CRYAB: variants seen among roughly 807,000 people sequenced by gnomAD.
CRYAB encodes alpha-crystallin B chain.
A neutral mutation model predicts 12.7 loss-of-function variants in CRYAB; 9 were observed. That is an observed-to-expected ratio of 0.71 (90% confidence interval 0.43 to 1.24). The LOEUF (loss-of-function observed/expected upper bound fraction) is 1.24, where lower values mean the gene tolerates loss of function less well. Among genes scored for constraint, CRYAB ranks in the 50% most tolerant of loss-of-function variants. CRYAB has a pLI of 0.00. For missense variants in CRYAB, 183 were observed against 226.6 expected, an observed-to-expected ratio of 0.81 and a Z score of 1.24; for synonymous variants, 93 against 86.8, an observed-to-expected ratio of 1.07 and a Z score of -0.40.
upstream of CRYAB, chr11:111,913,365 T>C (rs1965532386): frequency 1.3e-5 from 15 of 1,160,900 alleles, no homozygotes; most frequent in Non-Finnish European, 1.7e-5. Context: ...ATCCCTCCTC[T>C]CCAGATTTCC....
At chr11:111,918,946 G>A (rs1965640905) in intron 1 of CRYAB, 1 of 1,614,134 alleles carries the variant, frequency 6.2e-7, no homozygotes, top group East Asian at 2.2e-5. Flanking sequence ...CATAAAAACA[G>A]CTGGGCTCCC....
At chr11:111,912,688 C>T (rs1042490354), upstream of CRYAB, 22 of 533,982 alleles carry the variant, frequency 4.1e-5, 1 homozygote, top group Non-Finnish European at 5.0e-5. Flanking sequence ...CCCTCCCCCC[C>T]CAAGAGGCTC....
chr11:111,913,061 C>T (rs1965521410), upstream of CRYAB: 8 of 661,036 alleles, frequency 1.2e-5, no homozygotes, highest in Middle Eastern at 2.4e-4. Context: ...CCCCAGACTA[C>T]CCCTCATCCC....
chr11:111,916,782 T>C (rs782782622), upstream of CRYAB, among the ~76,000 whole-genome samples: 7 of 152,198 alleles, frequency 4.6e-5, no homozygotes, highest in Non-Finnish European at 1.0e-4. Context: ...ATTCCTCTAT[T>C]GATTTCTTTG....
rs782433689 is a variant in CRYAB, at chr11:111,918,939, A to G, written c.-199+4764T>C. 3 of 1,613,916 alleles carry G rather than the reference A, an allele frequency of 1.9e-6. No homozygotes were observed. The African/African-American group carries it at 4.0e-5, about 22-fold the overall frequency. ...GAAATGCACAAGCCTCTTGATGCAT[A>G]AAAACAGCTGGGCTCCCTTGGAGAC... is the stretch of plus-strand genomic sequence containing the variant. On this transcript the variant is annotated intron_variant, in intron 1 of 3. Coordinates refer to the CRYAB transcript ENST00000527950.
chr11:111,909,416 A>G (rs1411461123), intron 2 of CRYAB: 1 of 357,000 alleles, frequency 2.8e-6, no homozygotes, highest in Non-Finnish European at 5.4e-6. Flanking sequence ...CAAGGAGACT[A>G]TGACCCAAAC....
In CRYAB at chr11:111,910,220, T is replaced by C. The variant is rs782723654; in HGVS notation, c.324+107A>G. 38 of 1,375,480 alleles carry C rather than the reference T, an allele frequency of 2.8e-5. No homozygotes were observed. In the Middle Eastern group the frequency reaches 1.2e-3, roughly 45 times the overall value. The allele number at this position is 1,375,480 out of a possible 1,614,324, so 85.2% of individuals were successfully genotyped here. ...TTGTAACCCCTGATCCCGACTGTTA[T>C]GGCTTGGGACTGGAATGTAGCCAGC... On this transcript the variant is annotated intron_variant, in intron 2 of 2. Transcript: ENST00000650687.
chr11:111,921,669 T>C (rs1378372655), intron 1 of CRYAB, among the ~76,000 whole-genome samples: 4 of 152,208 alleles, frequency 2.6e-5, no homozygotes, highest in Non-Finnish European at 5.9e-5. Flanking sequence ...TTCCCAAGTG[T>C]TGGTATTCTT....
At chr11:111,911,421 T>C (rs960010330) in intron 1 of CRYAB, 103 bp downstream of exon 1, 2 of 1,167,156 alleles carry the variant, frequency 1.7e-6, no homozygotes, top group Admixed American at 4.0e-5. Context: ...TGGACACACA[T>C]GTGCCTAAAA....
upstream of CRYAB, chr11:111,913,788 C>A: frequency 6.2e-7 from 1 of 1,614,160 alleles, no homozygotes; most frequent in Non-Finnish European, 8.5e-7. Context: ...GGAAGCACCT[C>A]GGGGTGGCCG....
At chr11:111,909,153 C>T (rs1235900657) in intron 2 of CRYAB, 186 bp from the exon 3 acceptor site, 12 of 684,306 alleles carry the variant, frequency 1.8e-5, no homozygotes, top group Non-Finnish European at 3.2e-5. Flanking sequence ...TCACTCCTAC[C>T]AGTGAGAATC....
chr11:111,909,380 T>TAAA, intron 2 of CRYAB: 1 of 318,954 alleles, frequency 3.1e-6, no homozygotes, highest in South Asian at 2.6e-5. Context: ...CTGCTGAAAT[T>TAAA]AAAAAAAAAA....
intron 1 of CRYAB, chr11:111,910,678 G>C (rs1965424492): frequency 3.3e-6 from 2 of 605,704 alleles, no homozygotes; most frequent in South Asian, 3.9e-5. Flanking sequence ...TACAGGGACA[G>C]AGAAGAAGAC....
At chr11:111,909,804 G>A (rs1965395077) in intron 2 of CRYAB, 2 of 253,812 alleles carry the variant, frequency 7.9e-6, no homozygotes, top group Non-Finnish European at 1.5e-5. Flanking sequence ...GTGCTTTTAG[G>A]GTACCTGTAG....
chr11:111,915,892 G>C (rs1242866777), upstream of CRYAB, among the ~76,000 whole-genome samples: 3 of 152,066 alleles, frequency 2.0e-5, no homozygotes, highest in Non-Finnish European at 2.9e-5. Context: ...ACAGGTGTGT[G>C]CCACCACGCC....
upstream of CRYAB, among the ~76,000 whole-genome samples, chr11:111,917,705 G>T (rs1481842369): frequency 6.6e-6 from 1 of 151,162 alleles, no homozygotes; most frequent in Non-Finnish European, 1.5e-5. Flanking sequence ...AATTAGCTAG[G>T]CACAGTGGTG....
chr11:111,914,759 T>C (rs1030780711), upstream of CRYAB, among the ~76,000 whole-genome samples: 2 of 152,198 alleles, frequency 1.3e-5, no homozygotes, highest in Non-Finnish European at 2.9e-5. Context: ...CTGTGGTAGA[T>C]ACCTACAATT....
intron 1 of CRYAB, among the ~76,000 whole-genome samples, chr11:111,921,380 A>G (rs1037661007): frequency 1.4e-4 from 21 of 152,248 alleles, no homozygotes; most frequent in African/African-American, 5.1e-4. Flanking sequence ...GTCTAAATAC[A>G]TGGCATATCC....
Position 111,911,577 on chromosome 11 carries a change from G to T in CRYAB, c.148C>A (p.Arg50=). Reference sequence around the variant, plus strand: ...GGTGCCCGCAGGAAGGAGGGTGGCCGAAGGTAGAAGGGACTCAGGGAAGTA... The same window carrying T: ...GGTGCCCGCAGGAAGGAGGGTGGCCTAAGGTAGAAGGGACTCAGGGAAGTA... The part of the protein sequence containing the change: ...TSTSLSPFYL[R]PPSFLRAPSW... Residue 50 remains arginine, a synonymous_variant, in exon 1 of 3, where the codon CGG becomes AGG. Coordinates refer to ENST00000650687, the MANE Select transcript of CRYAB (RefSeq NM_001289808.2). 2 of 1,613,216 alleles carry T rather than the reference G, an allele frequency of 1.2e-6. 1 individual carries two copies. Among genetic ancestry groups the T allele is most frequent in the South Asian group, 2.2e-5 (2 of 90,726 alleles).
Sources: allele counts gnomAD v4.1 joint callset (sites outside exome capture counted in the v4.1 genomes callset), GRCh38; gene constraint gnomAD v4.1.1; transcripts MANE v1.5; gene names NCBI Gene and HGNC (gene_info 2026-07-23, HGNC 2026-07-21).